CARD8: variants seen among roughly 807,000 people sequenced by gnomAD.
CARD8 encodes caspase recruitment domain-containing protein 8.
CARD8 carries 38 observed loss-of-function variants against 53.2 expected under a neutral mutation model. The observed-to-expected ratio is 0.71, with a 90% CI of 0.55 to 0.94. CARD8 has a LOEUF of 0.94. CARD8 is among the 40% of genes least tolerant of loss of function. CARD8 has a pLI of 0.00. For missense variants in CARD8, 561 were observed against 655.5 expected, an observed-to-expected ratio of 0.86 and a Z score of 1.57; for synonymous variants, 245 against 244.9, an observed-to-expected ratio of 1.00 and a Z score of 0.00.
At chr19:48,205,631 C>T (rs1204197714), downstream of CARD8, among the ~76,000 whole-genome samples, 4 of 152,274 alleles carry the variant, frequency 2.6e-5, no homozygotes, top group East Asian at 3.9e-4. Context: ...TATGAGGTAG[C>T]GTTACTGTCA....
chr19:48,216,451 G>A (rs1000523313), intron 12 of CARD8, among the ~76,000 whole-genome samples: 1 of 152,202 alleles, frequency 6.6e-6, no homozygotes, highest in African/African-American at 2.4e-5. Context: ...GAGGAGGCGG[G>A]GAGGGTGCAT....
chr19:48,231,994 T>C (rs750385401), intron 7 of CARD8, 184 bp from the exon 8 acceptor site: 15 of 691,466 alleles, frequency 2.2e-5, no homozygotes, highest in Middle Eastern at 2.3e-4. Flanking sequence ...AGAATGTTCC[T>C]TGTCATGACT....
intron 2 of CARD8, 47 bp downstream of exon 2, chr19:48,249,704 C>CTG (rs2046696650): frequency 6.6e-6 from 1 of 152,366 alleles, no homozygotes; most frequent in African/African-American, 2.4e-5. Flanking sequence ...CCCATTTGGC[C>CTG]TGTCCTCCCC....
At chr19:48,225,703 TGAGTGAGAAGA>T (rs1379079685) in intron 10 of CARD8, among the ~76,000 whole-genome samples, 1 of 151,902 alleles carries the variant, frequency 6.6e-6, no homozygotes, top group East Asian at 1.9e-4. Flanking sequence ...TGGAACATAA[TGAGTGAGAAGA>T]GAGTGATAGG....
chr19:48,213,444 G>A lies in CARD8; in HGVS notation c.1349-1469C>T, dbSNP rs141307935. On this transcript the variant is annotated intron_variant, in intron 13 of 13. Transcript: ENST00000651546. ...GGCTGGAGTGCGATGGCACGATCTC[G>A]GCTTACTGCAATCTCCGCCCCTGGG... Among the ~76,000 whole-genome samples the A allele has an allele frequency of 3.5e-3, 524 of 150,050 alleles. 3 individuals carry two copies. The highest frequency in any genetic ancestry group is 0.012 in the African/African-American group (481 of 41,336).
intron 10 of CARD8, among the ~76,000 whole-genome samples, chr19:48,228,786 C>T (rs2042272613): frequency 6.6e-6 from 1 of 152,008 alleles, no homozygotes; most frequent in East Asian, 1.9e-4. Flanking sequence ...GGTGTGGCTC[C>T]CACATAAGGG....
Position 48,238,509 on chromosome 19 carries a change from A to G in CARD8, c.83T>C (p.Ile28Thr), listed in dbSNP as rs1200570928. Residue 28 changes from isoleucine (I) to threonine (T), a missense_variant, in exon 5 of 14, where the codon ATA becomes ACA. Physicochemically the swap from Ile to Thr is moderately conservative, Grantham distance 89. Coordinates refer to ENST00000651546, the MANE Select transcript of CARD8 (RefSeq NM_001184900.3). ...TAGTCTAATGAGTTTGGATGCATCT[A>G]TGTTCCTACTGGATCCACTGTCCCT... ...PRRDSGSSRN[I>T]DASKLIRLQG... 7 of 1,536,402 alleles carry G rather than the reference A, an allele frequency of 4.6e-6. No homozygotes were observed. The highest frequency in any genetic ancestry group is 6.1e-6 in the Non-Finnish European group (7 of 1,146,996).
intron 1 of CARD8, among the ~76,000 whole-genome samples, chr19:48,250,641 G>T (rs1356377742): frequency 6.6e-6 from 1 of 152,194 alleles, no homozygotes; most frequent in Non-Finnish European, 1.5e-5. Context: ...CTCCCAGTTT[G>T]CTGGTCTCAT....
Position 48,234,531 on chromosome 19 carries a change from C to T in CARD8, c.222G>A (p.Glu74=). ...ACVTNDTVYR[E]LPCVSETLCD... ...AAAGGGTCTCAGAAACACAGGGTAG[C>T]TCCCTGTATACCCTGGAAAACAACA... The change falls in exon 6 of 14, where the codon GAG becomes GAA. Residue 74 remains glutamate (E), a synonymous_variant. Transcript: ENST00000651546. 2.5e-6 allele frequency: 4 copies of T among 1,613,386 alleles called. No homozygotes were observed. Among genetic ancestry groups the T allele is most frequent in the South Asian group, 1.1e-5 (1 of 91,040 alleles).
At chr19:48,229,825 G>T (rs2042500171) in intron 10 of CARD8, among the ~76,000 whole-genome samples, 1 of 152,110 alleles carries the variant, frequency 6.6e-6, no homozygotes, top group South Asian at 2.1e-4. Flanking sequence ...TTAAAATTTG[G>T]TGAGAGGCCA....
intron 10 of CARD8, among the ~76,000 whole-genome samples, chr19:48,227,499 A>G (rs1187643262): frequency 2.0e-5 from 3 of 152,180 alleles, no homozygotes; most frequent in Admixed American, 2.0e-4. Context: ...CGATTTGAGG[A>G]GAGACTCAGA....
At chr19:48,237,534 C>T (rs188688090) in intron 5 of CARD8, among the ~76,000 whole-genome samples, 16 of 152,156 alleles carry the variant, frequency 1.1e-4, no homozygotes, top group South Asian at 2.1e-4. Flanking sequence ...CAGCGACTCA[C>T]GCCTGTAATC....
chr19:48,216,448 C>T (rs2039317138), intron 12 of CARD8, among the ~76,000 whole-genome samples: 1 of 152,020 alleles, frequency 6.6e-6, no homozygotes, highest in Admixed American at 6.6e-5. Flanking sequence ...AGGGAGGAGG[C>T]GGGGAGGGTG....
intron 7 of CARD8, 110 bp downstream of exon 7, chr19:48,232,343 A>G (rs1416931219): frequency 3.0e-6 from 3 of 1,006,736 alleles, no homozygotes; most frequent in Non-Finnish European, 4.5e-6. Context: ...AGGTAAGGGA[A>G]AGCACTCCTG....
At chr19:48,231,924 A>C (rs1444667666) in intron 7 of CARD8, 114 bp from the exon 8 acceptor site, 1 of 898,750 alleles carries the variant, frequency 1.1e-6, no homozygotes, top group Non-Finnish European at 1.8e-6. Context: ...ATCGAATGAG[A>C]GCTGAGAGTG....
At chr19:48,214,579 G>A (rs2038800864) in intron 13 of CARD8, among the ~76,000 whole-genome samples, 1 of 152,040 alleles carries the variant, frequency 6.6e-6, no homozygotes, top group African/African-American at 2.4e-5. Context: ...CCAAGCCCCT[G>A]CGGGCCACTA....
chr19:48,234,990 G>C (rs575135413), intron 5 of CARD8, among the ~76,000 whole-genome samples: 133 of 152,304 alleles, frequency 8.7e-4, no homozygotes, highest in Non-Finnish European at 1.7e-3. Context: ...GGGCATTAGT[G>C]AGATTGGGCA....
intron 5 of CARD8, among the ~76,000 whole-genome samples, chr19:48,235,654 G>A (rs563341712): frequency 6.6e-6 from 1 of 152,080 alleles, no homozygotes; most frequent in Admixed American, 6.6e-5. Context: ...AAAGCACTGG[G>A]ATTACAGTCA....
chr19:48,254,870 A>C (rs2047399472), intron 1 of CARD8, among the ~76,000 whole-genome samples: 1 of 152,200 alleles, frequency 6.6e-6, no homozygotes. Context: ...AAAAAAATAT[A>C]TATTTCTGCA....
Sources: allele counts gnomAD v4.1 joint callset (sites outside exome capture counted in the v4.1 genomes callset), GRCh38; gene constraint gnomAD v4.1.1; transcripts MANE v1.5; gene names NCBI Gene and HGNC (gene_info 2026-07-23, HGNC 2026-07-21).